RBMS3: variants seen among roughly 807,000 people sequenced by gnomAD.
RBMS3 encodes RNA binding motif single stranded interacting protein 3, also known as RNA-binding motif, single-stranded-interacting protein 3.
Under a neutral mutation model 66.8 loss-of-function variants are expected in RBMS3, and 27 were observed. The ratio of observed to expected loss-of-function variants is 0.40; its 90% CI spans 0.30 to 0.56. The LOEUF is 0.56. Among genes scored for constraint, RBMS3 ranks in the 20% least tolerant of loss-of-function variants. RBMS3 has a pLI of 0.40. For synonymous variants in RBMS3, 188 were observed against 183.0 expected, an observed-to-expected ratio of 1.03 and a Z score of -0.22; for missense variants, 513 against 549.5, an observed-to-expected ratio of 0.93 and a Z score of 0.66.
rs571631962 is a variant in RBMS3 at position 29,817,269 on chromosome 3, A to T, written c.638-51589A>T. 6.2e-5 allele frequency among the ~76,000 whole-genome samples: 9 copies of T among 144,298 alleles called. No homozygotes were observed. In the East Asian group the frequency reaches 1.8e-3, roughly 29 times the overall value. 94.7% of individuals were successfully genotyped at this position (144,298 alleles called of 152,430 possible). The stretch of plus-strand genomic sequence containing the variant: ...ATGGCACAATCTTGGCTCACTGCAA[A>T]CTCCTCTCACTGCAACCACCACCAC... On this transcript the variant is annotated intron_variant, in intron 6 of 14. Transcript: ENST00000383767.
At chr3:29,329,591 T>C (rs1030515490) in intron 1 of RBMS3, among the ~76,000 whole-genome samples, 2 of 152,006 alleles carry the variant, frequency 1.3e-5, no homozygotes, top group African/African-American at 4.8e-5. Flanking sequence ...TCTTTGACTC[T>C]TCTTTGGGCA....
intron 6 of RBMS3, among the ~76,000 whole-genome samples, chr3:29,779,975 T>C (rs1183560030): frequency 6.6e-6 from 1 of 150,942 alleles, no homozygotes. Flanking sequence ...AAGGAAGTAA[T>C]AATGGGGGTA....
intron 1 of RBMS3, among the ~76,000 whole-genome samples, chr3:29,317,987 A>T (rs186345997): frequency 1.3e-5 from 2 of 151,918 alleles, no homozygotes; most frequent in African/African-American, 4.8e-5. Flanking sequence ...TTTTTTTCCC[A>T]AGAATTCCTT....
chr3:29,692,385 T>C (rs2052065500), intron 4 of RBMS3, among the ~76,000 whole-genome samples: 2 of 152,184 alleles, frequency 1.3e-5, no homozygotes, highest in African/African-American at 4.8e-5. Flanking sequence ...TTTTAGCTTG[T>C]CAATATTCAT....
At chr3:29,580,119 C>T (rs1360495653) in intron 3 of RBMS3, among the ~76,000 whole-genome samples, 1 of 152,126 alleles carries the variant, frequency 6.6e-6, no homozygotes, top group Non-Finnish European at 1.5e-5. Context: ...CTAAATTTGT[C>T]TGTCTTTGTA....
At chr3:29,340,423 A>G (rs1416718027) in intron 1 of RBMS3, among the ~76,000 whole-genome samples, 1 of 152,152 alleles carries the variant, frequency 6.6e-6, no homozygotes, top group Admixed American at 6.6e-5. Context: ...TGCAAAGTCT[A>G]ATTTTAAAAT....
chr3:29,638,058 T>C (rs991964505), intron 4 of RBMS3, among the ~76,000 whole-genome samples: 6 of 151,890 alleles, frequency 4.0e-5, no homozygotes, highest in Non-Finnish European at 7.4e-5. Flanking sequence ...TTTATTTCAA[T>C]AGGATACCAC....
chr3:29,858,132 TA>T (rs1221991932), intron 6 of RBMS3, among the ~76,000 whole-genome samples: 3 of 152,198 alleles, frequency 2.0e-5, no homozygotes, highest in Non-Finnish European at 4.4e-5. Context: ...GTGGTGGATT[TA>T]AAAGAGGTAT....
rs115360303 is a variant in RBMS3, at chr3:29,428,990, A to G, written c.76-5753A>G. Among the ~76,000 whole-genome samples the G allele has an allele frequency of 5.4e-3, 828 of 152,206 alleles. 8 individuals are homozygous for G. The highest frequency in any genetic ancestry group is 8.6e-3 in the Non-Finnish European group (587 of 68,004). On this transcript the variant is annotated intron_variant, in intron 1 of 14. Transcript: ENST00000383767. ...TCCTGCTGATACTTAGATGCTCCAG[A>G]GCTTTTGCCAGAGCATCATCCTCCA...
At chr3:29,390,923 C>A in intron 1 of RBMS3, 1 of 187,640 alleles carries the variant, frequency 5.3e-6, no homozygotes, top group Admixed American at 5.0e-5. Context: ...GAAGACCACC[C>A]TCATCCATGA....
chr3:29,372,600 G>A (rs2038262922), intron 1 of RBMS3, among the ~76,000 whole-genome samples: 1 of 151,860 alleles, frequency 6.6e-6, no homozygotes, highest in Non-Finnish European at 1.5e-5. Flanking sequence ...AATTCAACTT[G>A]ATTTTTTAAA....
At chr3:29,980,904 G>T (rs1697939181) in intron 12 of RBMS3, among the ~76,000 whole-genome samples, 1 of 152,086 alleles carries the variant, frequency 6.6e-6, no homozygotes, top group African/African-American at 2.4e-5. Context: ...GGATTGTCTT[G>T]GCTATGCAGG....
At chr3:29,320,447 G>C (rs1575536957) in intron 1 of RBMS3, among the ~76,000 whole-genome samples, 1 of 151,968 alleles carries the variant, frequency 6.6e-6, no homozygotes, top group Non-Finnish European at 1.5e-5. Flanking sequence ...ATAAAAGCTG[G>C]ATCATCTTCC....
intron 4 of RBMS3, among the ~76,000 whole-genome samples, chr3:29,657,003 GA>G (rs1247154263): frequency 6.6e-6 from 1 of 152,130 alleles, no homozygotes. Flanking sequence ...AACGCGATAA[GA>G]ATGCAGTGAA....
At chr3:29,834,091 G>C (rs1338545768) in intron 6 of RBMS3, among the ~76,000 whole-genome samples, 1 of 152,018 alleles carries the variant, frequency 6.6e-6, no homozygotes, top group Non-Finnish European at 1.5e-5. Context: ...ACCTGGCAAA[G>C]CTGTCCTTCA....
At chr3:29,607,466 T>C (rs952012079) in intron 4 of RBMS3, among the ~76,000 whole-genome samples, 24 of 152,042 alleles carry the variant, frequency 1.6e-4, no homozygotes, top group Non-Finnish European at 2.8e-4. Context: ...ATAAGGATAT[T>C]ATTCCCATAT....
chr3:29,798,740 T>C (rs1053281105), intron 6 of RBMS3, among the ~76,000 whole-genome samples: 2 of 152,270 alleles, frequency 1.3e-5, no homozygotes, highest in Admixed American at 1.3e-4. Flanking sequence ...CCAGATGACA[T>C]AGTGATGCAA....
At chr3:29,363,551 G>T (rs968956785) in intron 1 of RBMS3, among the ~76,000 whole-genome samples, 3 of 152,264 alleles carry the variant, frequency 2.0e-5, no homozygotes, top group African/African-American at 7.2e-5. Flanking sequence ...TACTTGGGAA[G>T]GCCAAAGCGG....
At chr3:29,526,737 C>G (rs949003131) in intron 3 of RBMS3, among the ~76,000 whole-genome samples, 5 of 151,870 alleles carry the variant, frequency 3.3e-5, no homozygotes, top group Non-Finnish European at 7.4e-5. Flanking sequence ...TATTTCATCT[C>G]TTTAGAGCAA....
Sources: gnomAD v4.1 joint callset for allele counts (sites outside exome capture counted in the v4.1 genomes callset) on GRCh38, gnomAD v4.1.1 for gene constraint, MANE v1.5 for transcripts, NCBI Gene and HGNC (gene_info 2026-07-23, HGNC 2026-07-21) for gene names.